Variants in CCSER1 observed in about 807,000 individuals in gnomAD.
CCSER1 encodes the protein coiled-coil serine rich protein 1, also known as serine-rich coiled-coil domain-containing protein 1.
CCSER1 carries 41 observed loss-of-function variants against 82.0 expected under a neutral mutation model. The ratio of observed to expected loss-of-function variants is 0.50; its 90% CI spans 0.39 to 0.65. The LOEUF is 0.65. Among genes scored for constraint, CCSER1 ranks in the 30% least tolerant of loss-of-function variants. CCSER1 has a pLI of 0.00. For missense variants in CCSER1, 1,119 were observed against 1,064.2 expected (o/e 1.05, Z -0.72); for synonymous variants, 414 against 383.9 (o/e 1.08, Z -0.92).
intron 10 of CCSER1, among the ~76,000 whole-genome samples, chr4:91,158,562 T>C (rs1179270623): frequency 6.6e-6 from 1 of 152,024 alleles, no homozygotes; most frequent in Non-Finnish European, 1.5e-5. Context: ...CAAAAACTTT[T>C]CTACGATATT....
At chr4:90,531,966 T>C (rs1774590509) in intron 5 of CCSER1, among the ~76,000 whole-genome samples, 1 of 152,108 alleles carries the variant, frequency 6.6e-6, no homozygotes, top group Non-Finnish European at 1.5e-5. Flanking sequence ...TTACAATAGG[T>C]AACATAAAGC....
intron 7 of CCSER1, among the ~76,000 whole-genome samples, chr4:90,745,892 G>T (rs1232554081): frequency 6.6e-6 from 1 of 151,660 alleles, no homozygotes; most frequent in Non-Finnish European, 1.5e-5. Flanking sequence ...AGTAGAGACG[G>T]GGTTTCACCG....
At chr4:90,448,478 TATATATA>T (rs1560533149) in intron 4 of CCSER1, among the ~76,000 whole-genome samples, 93 of 139,654 alleles carry the variant, frequency 6.7e-4, no homozygotes, top group African/African-American at 2.4e-3. Flanking sequence ...TATATATATA[TATATATA>T]GCACTTTTCT....
At chr4:91,229,642 A>G (rs1738468247) in intron 10 of CCSER1, among the ~76,000 whole-genome samples, 1 of 152,194 alleles carries the variant, frequency 6.6e-6, no homozygotes, top group African/African-American at 2.4e-5. Context: ...ACACCATGGA[A>G]TACTATGCAC....
At chr4:90,972,514 G>A (rs1370836246) in intron 9 of CCSER1, among the ~76,000 whole-genome samples, 1 of 151,608 alleles carries the variant, frequency 6.6e-6, no homozygotes, top group African/African-American at 2.4e-5. Flanking sequence ...GCTGATGAAA[G>A]AAATTGAAGA....
At chr4:91,310,343 T>C (rs576730676) in intron 10 of CCSER1, among the ~76,000 whole-genome samples, 13 of 149,546 alleles carry the variant, frequency 8.7e-5, no homozygotes, top group African/African-American at 3.2e-4. Flanking sequence ...AGAATTGTCT[T>C]GGGCCAAACA....
At chr4:91,274,137 A>G (rs899739609) in intron 10 of CCSER1, among the ~76,000 whole-genome samples, 1 of 152,216 alleles carries the variant, frequency 6.6e-6, no homozygotes, top group Non-Finnish European at 1.5e-5. Context: ...TTATTAAAAA[A>G]TAAATTTGGC....
intron 9 of CCSER1, among the ~76,000 whole-genome samples, chr4:91,070,153 T>A (rs553484250): frequency 1.3e-5 from 2 of 151,944 alleles, no homozygotes; most frequent in East Asian, 3.9e-4. Context: ...CCTGGCTAAA[T>A]TTTTTGTATT....
At chr4:90,761,777 G>A (rs1169457552) in intron 7 of CCSER1, among the ~76,000 whole-genome samples, 1 of 152,052 alleles carries the variant, frequency 6.6e-6, no homozygotes, top group South Asian at 2.1e-4. Context: ...AATGGTGAAT[G>A]GACTCTTTTT....
At chr4:90,138,052 G>T (rs1724014654) in intron 1 of CCSER1, among the ~76,000 whole-genome samples, 1 of 152,184 alleles carries the variant, frequency 6.6e-6, no homozygotes, top group South Asian at 2.1e-4. Context: ...TAGATGGTGA[G>T]CTCTATGAGG....
intron 9 of CCSER1, among the ~76,000 whole-genome samples, chr4:91,031,953 A>G (rs1741019808): frequency 6.6e-6 from 1 of 152,072 alleles, no homozygotes; most frequent in Non-Finnish European, 1.5e-5. Flanking sequence ...ATCTTGATTA[A>G]TGTTGCATTC....
chr4:91,421,402 A>G (rs1277562217), intron 10 of CCSER1, among the ~76,000 whole-genome samples: 3 of 152,172 alleles, frequency 2.0e-5, no homozygotes, highest in Admixed American at 1.3e-4. Flanking sequence ...TCGTGGGTGT[A>G]AGTCCTGAAA....
At chr4:90,190,791 T>C (rs1431866782) in intron 1 of CCSER1, among the ~76,000 whole-genome samples, 2 of 152,108 alleles carry the variant, frequency 1.3e-5, no homozygotes, top group Non-Finnish European at 2.9e-5. Context: ...GGCAAGATGC[T>C]AGGTGCAGCT....
intron 5 of CCSER1, among the ~76,000 whole-genome samples, chr4:90,595,276 G>A (rs975303503): frequency 2.6e-5 from 4 of 151,838 alleles, no homozygotes; most frequent in Non-Finnish European, 5.9e-5. Context: ...AAATACTGTT[G>A]CCTCAAACAG....
intron 1 of CCSER1, among the ~76,000 whole-genome samples, chr4:90,270,272 A>G (rs188633466): frequency 8.8e-4 from 134 of 152,220 alleles, no homozygotes; most frequent in Middle Eastern, 3.4e-3. Context: ...CTCAACAAAT[A>G]CTAGCAAACT....
chr4:90,349,997 G>A (rs1743138392), intron 3 of CCSER1, among the ~76,000 whole-genome samples: 1 of 152,050 alleles, frequency 6.6e-6, no homozygotes. Flanking sequence ...ATCTTTCATT[G>A]TACTTTTAGC....
intron 7 of CCSER1, among the ~76,000 whole-genome samples, chr4:90,807,057 A>G (rs1273306073): frequency 6.6e-6 from 1 of 152,098 alleles, no homozygotes; most frequent in East Asian, 1.9e-4. Flanking sequence ...TTTTGTCGTA[A>G]GGTGGTTATA....
At chr4:90,521,823 T>A in intron 5 of CCSER1, among the ~76,000 whole-genome samples, 1 of 152,176 alleles carries the variant, frequency 6.6e-6, no homozygotes, top group East Asian at 1.9e-4. Flanking sequence ...ACAGGGGACA[T>A]TAATATAAGC....
At chr4:90,351,330 A>G (rs1014855831) in intron 3 of CCSER1, among the ~76,000 whole-genome samples, 2 of 152,194 alleles carry the variant, frequency 1.3e-5, no homozygotes, top group Non-Finnish European at 2.9e-5. Context: ...ACTTGGAGAA[A>G]AAGTTGTGTC....
Sources: allele counts gnomAD v4.1 joint callset (sites outside exome capture counted in the v4.1 genomes callset), GRCh38; gene constraint gnomAD v4.1.1; transcripts MANE v1.5; gene names NCBI Gene and HGNC (gene_info 2026-07-23, HGNC 2026-07-21).